The following SND1 variants were observed in gnomAD, a reference collection of about 807,000 sequenced individuals.
SND1 encodes staphylococcal nuclease and tudor domain containing 1.
A neutral mutation model predicts 121.7 loss-of-function variants in SND1; 38 were observed. The observed-to-expected ratio is 0.31, with a 90% confidence interval of 0.24 to 0.41. SND1 has a LOEUF of 0.41. SND1 is among the 10% of genes least tolerant of loss of function. The pLI is 1.00. For synonymous variants in SND1, 401 were observed against 447.4 expected (o/e 0.90, Z 1.31); for missense variants, 868 against 1,184.6 (o/e 0.73, Z 3.92).
intron 4 of SND1, 82 bp downstream of exon 4, chr7:127,699,035 G>A (rs1008818710): frequency 2.8e-6 from 3 of 1,090,280 alleles, no homozygotes; most frequent in Admixed American, 1.9e-5. Flanking sequence ...CCAGACATGG[G>A]TAACTGCAGG....
At chr7:127,993,382 G>C (rs1802564450) in intron 16 of SND1, among the ~76,000 whole-genome samples, 1 of 152,200 alleles carries the variant, frequency 6.6e-6, no homozygotes, top group Non-Finnish European at 1.5e-5. Context: ...AGCAGAAGAG[G>C]AAAGTCCCAG....
intron 15 of SND1, among the ~76,000 whole-genome samples, chr7:127,954,165 C>T (rs546438107): frequency 6.6e-6 from 1 of 152,246 alleles, no homozygotes; most frequent in East Asian, 1.9e-4. Context: ...CTTCCTTCCC[C>T]CCTTACTCCA....
At chr7:127,872,261 G>C (rs1014194631) in intron 12 of SND1, among the ~76,000 whole-genome samples, 7 of 152,202 alleles carry the variant, frequency 4.6e-5, no homozygotes, top group African/African-American at 1.7e-4. Flanking sequence ...AGCAGCTATA[G>C]AGAGAGCTGG....
intron 15 of SND1, among the ~76,000 whole-genome samples, chr7:127,990,131 T>C (rs901344827): frequency 6.6e-6 from 1 of 152,184 alleles, no homozygotes; most frequent in Admixed American, 6.5e-5. Flanking sequence ...TAATAGGATA[T>C]AGTAAACGTC....
chr7:127,702,495 A>T lies in SND1; in HGVS notation c.650A>T (p.Tyr217Phe). The change falls in exon 6 of 24, where the codon TAC (tyrosine) becomes TTC (phenylalanine). Residue 217 changes from tyrosine (Y) to phenylalanine (F), a missense_variant. Tyr to Phe is a conservative substitution (Grantham distance 22). Around this residue, in one of 2 missense-constraint regions of SND1, gnomAD observed 743 missense variants for 1,071.3 expected, o/e 0.69. Coordinates refer to ENST00000354725, the MANE Select transcript of SND1 (RefSeq NM_014390.4). ...AGGGCCCTGCTCCTCCCAGATTACT[A>T]CCTGGTTACAGTCATGCTGTCAGGC... ...VVRALLLPDYYLVTVMLSGIK... is the reference protein window; with the variant it reads ...VVRALLLPDYFLVTVMLSGIK... 3.7e-6 allele frequency: 6 copies of T among 1,614,062 alleles called. No individual in the cohort carries two copies. Among genetic ancestry groups the T allele is most frequent in the Non-Finnish European group, 5.1e-6 (6 of 1,179,972 alleles).
chr7:127,978,812 G>T (rs1213381584), intron 15 of SND1, among the ~76,000 whole-genome samples: 2 of 152,184 alleles, frequency 1.3e-5, no homozygotes, highest in African/African-American at 4.8e-5. Flanking sequence ...TCAGCCTGCC[G>T]AGTAGCTGGG....
At chr7:127,697,698 A>C (rs751097808) in intron 3 of SND1, among the ~76,000 whole-genome samples, 1 of 152,190 alleles carries the variant, frequency 6.6e-6, no homozygotes, top group African/African-American at 2.4e-5. Context: ...TCTCAGTTCA[A>C]CTTTTCTTGG....
rs112969924 is a variant in SND1, at chr7:128,089,349, T to C, written c.2419-140T>C. On this transcript the variant is annotated intron_variant, in intron 21 of 23. Transcript: ENST00000354725. ...GATTACAGGCATGAGCCACCGTGCCTGGCCAACCTCACTAGGGTTCTCTGG... is the reference window on the plus strand; with the variant it reads ...GATTACAGGCATGAGCCACCGTGCCCGGCCAACCTCACTAGGGTTCTCTGG... 4.2e-4 allele frequency: 328 copies of C among 780,878 alleles called. No individual in the cohort carries two copies. The African/African-American group carries it at 4.9e-3, about 12-fold the overall frequency. The allele number at this position is 780,878 out of a possible 1,614,324, so 48.4% of individuals were successfully genotyped here.
chr7:127,868,912 G>C (rs547726335), intron 12 of SND1, among the ~76,000 whole-genome samples: 3 of 152,008 alleles, frequency 2.0e-5, no homozygotes. Context: ...AGTACATGAC[G>C]TTGCCAGGCG....
At chr7:127,696,979 A>G (rs1469201757) in intron 3 of SND1, among the ~76,000 whole-genome samples, 1 of 152,248 alleles carries the variant, frequency 6.6e-6, no homozygotes, top group Admixed American at 6.5e-5. Context: ...CTAACTCTTA[A>G]TGCCAATTCT....
chr7:127,772,407 TC>T (rs2116500124), intron 10 of SND1, among the ~76,000 whole-genome samples: 1 of 152,248 alleles, frequency 6.6e-6, no homozygotes, highest in African/African-American at 2.4e-5. Context: ...GAGAGATGCT[TC>T]TTTGCGATCT....
intron 16 of SND1, among the ~76,000 whole-genome samples, chr7:128,061,961 C>T (rs1793238314): frequency 6.6e-6 from 1 of 152,232 alleles, no homozygotes; most frequent in Admixed American, 6.5e-5. Flanking sequence ...AGGGGCTCAG[C>T]GTCATCTCAA....
chr7:127,870,436 A>G (rs12672945), intron 12 of SND1, among the ~76,000 whole-genome samples: 38,250 of 152,026 alleles, frequency 0.25, 6,263 homozygotes, highest in East Asian at 0.67. Flanking sequence ...TCCTTAGGCA[A>G]TTTGGTCATC....
At chr7:127,865,573 T>C (rs1470577085) in intron 12 of SND1, among the ~76,000 whole-genome samples, 2 of 152,124 alleles carry the variant, frequency 1.3e-5, no homozygotes, top group African/African-American at 4.8e-5. Context: ...TCTAAGGGAC[T>C]GTCTTGATTC....
At chr7:127,867,780 C>T (rs926582745) in intron 12 of SND1, among the ~76,000 whole-genome samples, 19 of 151,998 alleles carry the variant, frequency 1.3e-4, no homozygotes, top group African/African-American at 4.1e-4. Flanking sequence ...TTGAAACACA[C>T]ATCTGATTTT....
At chr7:127,787,891 T>A (rs560429276) in intron 10 of SND1, among the ~76,000 whole-genome samples, 2 of 152,360 alleles carry the variant, frequency 1.3e-5, no homozygotes, top group Admixed American at 1.3e-4. Context: ...AAGTTGCATT[T>A]ATCCAAACAT....
At chr7:127,683,576 C>T (rs1369535088) in intron 1 of SND1, among the ~76,000 whole-genome samples, 1 of 152,134 alleles carries the variant, frequency 6.6e-6, no homozygotes, top group Non-Finnish European at 1.5e-5. Flanking sequence ...CTAGTTCTTC[C>T]CTAGTAGAAA....
At chr7:127,680,279 T>C (rs547191506) in intron 1 of SND1, among the ~76,000 whole-genome samples, 1 of 152,152 alleles carries the variant, frequency 6.6e-6, no homozygotes, top group East Asian at 1.9e-4. Context: ...GAAATTAAAA[T>C]TGCTAATGAA....
intron 10 of SND1, among the ~76,000 whole-genome samples, chr7:127,722,039 C>G (rs1453618344): frequency 6.6e-6 from 1 of 151,866 alleles, no homozygotes; most frequent in Non-Finnish European, 1.5e-5. Flanking sequence ...TTTTTGTAGT[C>G]ATGACAGTTA....
Sources: gnomAD v4.1 joint callset for allele counts (sites outside exome capture counted in the v4.1 genomes callset) on GRCh38, gnomAD v4.1.1 for gene constraint, gnomAD v4.1.1 regional missense constraint, MANE v1.5 for transcripts, NCBI Gene and HGNC (gene_info 2026-07-23, HGNC 2026-07-21) for gene names.